CLYBL: variants seen among roughly 807,000 people sequenced by gnomAD.
CLYBL encodes citramalyl-CoA lyase, mitochondrial.
In CLYBL, 31 loss-of-function variants were observed where a neutral mutation model predicts 38.9. That is an observed-to-expected ratio of 0.80 (90% confidence interval 0.60 to 1.08). The LOEUF (loss-of-function observed/expected upper bound fraction) is 1.08. Ranked by LOEUF, CLYBL falls within the 50% of genes least tolerant of loss-of-function variation. CLYBL has a pLI of 0.00. For synonymous variants in CLYBL, 171 were observed against 158.6 expected, an observed-to-expected ratio of 1.08 and a Z score of -0.59; for missense variants, 434 against 411.6, an observed-to-expected ratio of 1.05 and a Z score of -0.47.
Position 99,856,688 on chromosome 13 carries a change from G to C in CLYBL, c.250-2173G>C, listed in dbSNP as rs1436084112. 4.6e-5 allele frequency among the ~76,000 whole-genome samples: 7 copies of C among 152,158 alleles called. No individual in the cohort carries two copies. The East Asian group carries it at 7.8e-4, about 17-fold the overall frequency. ...GAGTCTCGCTCTGTGTCCTATGCTGGAGTGCAGAGGTACAGTCTCGGCTCA... is the reference window on the plus strand; with the variant it reads ...GAGTCTCGCTCTGTGTCCTATGCTGCAGTGCAGAGGTACAGTCTCGGCTCA... On this transcript the variant is annotated intron_variant, in intron 2 of 8. Coordinates refer to ENST00000339105, the MANE Select transcript of CLYBL (RefSeq NM_206808.5).
At chr13:99,756,159 T>TG (rs1267012310) in intron 1 of CLYBL, among the ~76,000 whole-genome samples, 1 of 152,128 alleles carries the variant, frequency 6.6e-6, no homozygotes, top group Non-Finnish European at 1.5e-5. Flanking sequence ...ATTCAGTGGG[T>TG]GGGGATGTGA....
At chr13:99,781,693 A>C (rs1170007934) in intron 2 of CLYBL, among the ~76,000 whole-genome samples, 1 of 150,002 alleles carries the variant, frequency 6.7e-6, no homozygotes, top group Admixed American at 6.7e-5. Context: ...GGCCAGGCTG[A>C]TCTTGAACTC....
At position 99,836,481 on chromosome 13, in the gene CLYBL, C is replaced by T. The variant is rs539621994; in HGVS notation, c.250-22380C>T. Among the ~76,000 whole-genome samples the T allele has an allele frequency of 2.2e-4, 34 of 152,230 alleles. No individual in the cohort carries two copies. In the South Asian group the frequency reaches 6.0e-3, roughly 27 times the overall value. On this transcript the variant is annotated intron_variant, in intron 2 of 8. Coordinates refer to ENST00000339105, the MANE Select transcript of CLYBL (RefSeq NM_206808.5). ...AGGTAGGGCCAGGAGGAAATAGGCCCGCACCAAATGCAGGTGTATGAAGAA... is the reference window on the plus strand; with the variant it reads ...AGGTAGGGCCAGGAGGAAATAGGCCTGCACCAAATGCAGGTGTATGAAGAA...
At chr13:99,898,325 T>G (rs1271647411), downstream of CLYBL, among the ~76,000 whole-genome samples, 1 of 152,114 alleles carries the variant, frequency 6.6e-6, no homozygotes, top group Non-Finnish European at 1.5e-5. Context: ...TTCCAAAGAC[T>G]CCATACTCTA....
chr13:99,834,467 C>G (rs2050889877), intron 2 of CLYBL, among the ~76,000 whole-genome samples: 1 of 152,200 alleles, frequency 6.6e-6, no homozygotes, highest in Admixed American at 6.5e-5. Flanking sequence ...GCAGGGAACA[C>G]TCATTCCCCC....
chr13:99,710,880 C>CTT (rs1566297319), intron 1 of CLYBL, among the ~76,000 whole-genome samples: 29 of 134,878 alleles, frequency 2.2e-4, no homozygotes, highest in African/African-American at 7.7e-4. Flanking sequence ...GTTTCTAACC[C>CTT]CTTTTTTTTT....
chr13:99,718,938 G>C (rs1245910799), intron 1 of CLYBL, among the ~76,000 whole-genome samples: 1 of 151,848 alleles, frequency 6.6e-6, no homozygotes, highest in Non-Finnish European at 1.5e-5. Flanking sequence ...CGCCTCCTAG[G>C]TTCAAGCGAT....
intron 7 of CLYBL, among the ~76,000 whole-genome samples, chr13:99,871,906 T>G (rs543226008): frequency 2.0e-5 from 3 of 151,820 alleles, no homozygotes; most frequent in African/African-American, 7.2e-5. Context: ...AGGAGTAAAG[T>G]TTTGATACCT....
At chr13:99,641,019 C>A (rs1295956816) in intron 1 of CLYBL, among the ~76,000 whole-genome samples, 1 of 152,150 alleles carries the variant, frequency 6.6e-6, no homozygotes, top group Non-Finnish European at 1.5e-5. Flanking sequence ...ATATAGAATT[C>A]TCATTAGTTG....
At chr13:99,650,827 C>T (rs1345485088) in intron 1 of CLYBL, among the ~76,000 whole-genome samples, 1 of 152,182 alleles carries the variant, frequency 6.6e-6, no homozygotes, top group Non-Finnish European at 1.5e-5. Context: ...GCGCTCCTCT[C>T]CACAAGCAGC....
chr13:99,864,394 C>G lies in CLYBL; in HGVS notation c.541-424C>G, dbSNP rs190624638. Among the ~76,000 whole-genome samples the G allele has an allele frequency of 3.3e-5, 5 of 152,206 alleles. No homozygotes were observed. The East Asian group carries it at 9.6e-4, about 29-fold the overall frequency. On this transcript the variant is annotated intron_variant, in intron 4 of 8. Transcript: ENST00000339105. ...GCAGGTTTTTGTGCTGTCTTTAATC[C>G]TGAGACCATGTGCTTGATCCTAATG...
At position 99,885,889 on chromosome 13, in the gene CLYBL, C is replaced by T. The variant is rs74396015; in HGVS notation, c.928-5429C>T. Among the ~76,000 whole-genome samples the T allele has an allele frequency of 2.5e-3, 375 of 152,218 alleles. 4 individuals are homozygous for T. The highest frequency in any genetic ancestry group is 8.6e-3 in the African/African-American group (356 of 41,542). Reference sequence around the variant, plus strand: ...CTCGTAGGTAAGGAGGAGCCGTATCCCAGGAGGCCACAGCTGGGCTGAGAG... The same window carrying T: ...CTCGTAGGTAAGGAGGAGCCGTATCTCAGGAGGCCACAGCTGGGCTGAGAG... On this transcript the variant is annotated intron_variant, in intron 7 of 8. Transcript: ENST00000339105.
At chr13:99,632,086 C>T (rs546713010) in intron 1 of CLYBL, among the ~76,000 whole-genome samples, 14 of 152,074 alleles carry the variant, frequency 9.2e-5, no homozygotes, top group Admixed American at 5.9e-4. Context: ...TACTGTATTG[C>T]GATGTTAGAG....
At chr13:99,826,899 T>C (rs2050706131) in intron 2 of CLYBL, among the ~76,000 whole-genome samples, 1 of 152,186 alleles carries the variant, frequency 6.6e-6, no homozygotes, top group African/African-American at 2.4e-5. Flanking sequence ...GCAGTGGGAC[T>C]CACGTTGTAA....
At chr13:99,731,133 G>A (rs541864514) in intron 1 of CLYBL, among the ~76,000 whole-genome samples, 206 of 150,788 alleles carry the variant, frequency 1.4e-3, no homozygotes, top group Middle Eastern at 3.4e-3. Context: ...GGAGAGGAGG[G>A]GTCCTGGTTT....
At chr13:99,769,091 G>A (rs1342234397) in intron 1 of CLYBL, among the ~76,000 whole-genome samples, 1 of 152,108 alleles carries the variant, frequency 6.6e-6, no homozygotes, top group African/African-American at 2.4e-5. Flanking sequence ...TCAGTGATCA[G>A]AGCACAGATC....
chr13:99,813,210 G>A (rs1235964283), intron 2 of CLYBL, among the ~76,000 whole-genome samples: 2 of 152,024 alleles, frequency 1.3e-5, no homozygotes, highest in African/African-American at 4.8e-5. Context: ...CTTAATGGGG[G>A]TCCCATGCCT....
At position 99,610,008 on chromosome 13, in the gene CLYBL, T is replaced by C. The variant is rs2046601877; in HGVS notation, c.62+3251T>C. ...GCCTGCAGCTCCTGGGCTCAAGTGA[T>C]CCTCCTGCCTCAGCCTCCCCAGTAG... On this transcript the variant is annotated intron_variant, in intron 1 of 8. Transcript: ENST00000339105. Among the ~76,000 whole-genome samples, 4 of 152,328 alleles carry C rather than the reference T, an allele frequency of 2.6e-5. 1 individual carries two copies. In the South Asian group the frequency reaches 8.3e-4, roughly 32 times the overall value.
Position 99,841,339 on chromosome 13 carries a change from G to GTGAC in CLYBL, c.250-17518_250-17515dup, listed in dbSNP as rs371724562. 4.5e-3 allele frequency among the ~76,000 whole-genome samples: 680 copies of GTGAC among 152,276 alleles called. 7 individuals are homozygous for GTGAC. The highest frequency in any genetic ancestry group is 0.043 in the South Asian group (208 of 4,816). On this transcript the variant is annotated intron_variant, in intron 2 of 8. Transcript: ENST00000339105. ...GTTTTCCTCACACATCTTAAGGTTC[G>GTGAC]TGACTGAGGTACCTATAATGAAAGA... is the stretch of plus-strand genomic sequence containing the variant.
Sources: gnomAD v4.1 joint callset for allele counts (sites outside exome capture counted in the v4.1 genomes callset) on GRCh38, gnomAD v4.1.1 for gene constraint, MANE v1.5 for transcripts, NCBI Gene and HGNC (gene_info 2026-07-23, HGNC 2026-07-21) for gene names.